The following PDE1A variants were observed in gnomAD, a reference collection of about 807,000 sequenced individuals.
The protein encoded by PDE1A is phosphodiesterase 1A.
PDE1A carries 35 observed loss-of-function variants against 61.7 expected under a neutral mutation model. The ratio of observed to expected loss-of-function variants is 0.57; its 90% CI spans 0.43 to 0.75. The LOEUF is 0.75. Among genes scored for constraint, PDE1A ranks in the 30% least tolerant of loss-of-function variants. PDE1A has a pLI of 0.00. For synonymous variants in PDE1A, 232 were observed against 213.2 expected (o/e 1.09, Z -0.77); for missense variants, 597 against 630.6 (o/e 0.95, Z 0.57).
the PDE1A span, among the ~76,000 whole-genome samples, chr2:182,555,244 C>T: frequency 6.6e-6 from 1 of 152,214 alleles, no homozygotes; most frequent in Non-Finnish European, 1.5e-5. Flanking sequence ...AAATTCACAA[C>T]AGCTTTCCAT....
chr2:182,315,218 C>A (rs1347938960), intron 1 of PDE1A, among the ~76,000 whole-genome samples: 11 of 152,114 alleles, frequency 7.2e-5, no homozygotes, highest in Non-Finnish European at 1.3e-4. Flanking sequence ...CATTTATATG[C>A]ATGTGGTCTC....
At chr2:182,273,472 A>AAT (rs201433336) in intron 1 of PDE1A, among the ~76,000 whole-genome samples, 127 of 149,786 alleles carry the variant, frequency 8.5e-4, no homozygotes, top group Middle Eastern at 3.5e-3. Context: ...TAACATAAAA[A>AAT]ATATATATAT....
intron 1 of PDE1A, among the ~76,000 whole-genome samples, chr2:182,377,313 A>G (rs557583877): frequency 7.9e-5 from 12 of 152,032 alleles, no homozygotes; most frequent in Non-Finnish European, 1.5e-4. Flanking sequence ...CTGACCCTTT[A>G]TCTTTCTCCT....
At chr2:182,609,806 G>A in the PDE1A span, among the ~76,000 whole-genome samples, 3 of 150,694 alleles carry the variant, frequency 2.0e-5, no homozygotes, top group African/African-American at 7.3e-5. Context: ...AAAAAGAAAC[G>A]GATGGGGCAC....
At chr2:182,569,477 A>G in the PDE1A span, among the ~76,000 whole-genome samples, 238 of 152,156 alleles carry the variant, frequency 1.6e-3, 2 homozygotes, top group African/African-American at 5.5e-3. Context: ...CTCAGGGTCT[A>G]AGACGCTCAT....
At chr2:182,661,797 A>G in the PDE1A span, among the ~76,000 whole-genome samples, 1 of 152,180 alleles carries the variant, frequency 6.6e-6, no homozygotes, top group South Asian at 2.1e-4. Context: ...TATCCTTTGT[A>G]ATAATAGCAA....
chr2:182,221,394 C>T (rs1164142769), intron 7 of PDE1A, among the ~76,000 whole-genome samples: 2 of 152,072 alleles, frequency 1.3e-5, no homozygotes, highest in African/African-American at 4.8e-5. Flanking sequence ...TCCTCCACAT[C>T]GTGGATCCAG....
At chr2:182,490,182 A>G (rs1688289660) in intron 2 of PDE1A, among the ~76,000 whole-genome samples, 1 of 152,214 alleles carries the variant, frequency 6.6e-6, no homozygotes, top group Non-Finnish European at 1.5e-5. Flanking sequence ...GAGGCCATCA[A>G]TGACTTTTAA....
At chr2:182,488,378 T>C (rs533930806) in intron 2 of PDE1A, among the ~76,000 whole-genome samples, 5 of 152,236 alleles carry the variant, frequency 3.3e-5, no homozygotes, top group African/African-American at 1.2e-4. Context: ...TGACTCAAGA[T>C]AAAAGCAAAT....
chr2:182,452,991 C>A (rs1215289428), intron 2 of PDE1A, among the ~76,000 whole-genome samples: 1 of 152,084 alleles, frequency 6.6e-6, no homozygotes, highest in East Asian at 1.9e-4. Context: ...ACAGTCCGCA[C>A]AAACAGATCC....
chr2:182,283,103 T>G (rs753906929), intron 1 of PDE1A, among the ~76,000 whole-genome samples: 4 of 152,044 alleles, frequency 2.6e-5, no homozygotes, highest in Non-Finnish European at 5.9e-5. Flanking sequence ...AAATATTTTC[T>G]TTTCAAATCT....
intron 2 of PDE1A, among the ~76,000 whole-genome samples, chr2:182,477,474 T>C (rs1687439211): frequency 6.6e-6 from 1 of 151,874 alleles, no homozygotes; most frequent in Non-Finnish European, 1.5e-5. Context: ...GAAAGTTCCT[T>C]GAGTCACGTA....
chr2:182,555,060 G>A, the PDE1A span, among the ~76,000 whole-genome samples: 1 of 152,152 alleles, frequency 6.6e-6, no homozygotes, highest in Non-Finnish European at 1.5e-5. Context: ...AAAGAGATGT[G>A]AACAAACGTA....
intron 13 of PDE1A, among the ~76,000 whole-genome samples, chr2:182,149,229 A>G (rs1344298016): frequency 2.6e-5 from 4 of 152,196 alleles, no homozygotes; most frequent in African/African-American, 7.2e-5. Flanking sequence ...AGAACTTTTT[A>G]TAATGGGTAA....
At chr2:182,477,487 G>A (rs1272366533) in intron 2 of PDE1A, among the ~76,000 whole-genome samples, 1 of 151,854 alleles carries the variant, frequency 6.6e-6, no homozygotes, top group Non-Finnish European at 1.5e-5. Flanking sequence ...GTCACGTAGT[G>A]AATGGTGAAA....
rs541071868 is a variant in PDE1A, at chr2:182,457,153, C to T, written c.101+65123G>A. Among the ~76,000 whole-genome samples the T allele has an allele frequency of 3.9e-5, 6 of 152,120 alleles. No homozygotes were observed. In the East Asian group the frequency reaches 1.2e-3, roughly 30 times the overall value. On this transcript the variant is annotated intron_variant, in intron 2 of 14. Transcript: ENST00000410103. ...GTGTGCTCCATCTCAAGAAACAATT[C>T]CACTTTCTTAGTAGAGGAGAAACTT... is the stretch of plus-strand genomic sequence containing the variant.
chr2:182,504,098 T>A (rs1281540726), intron 2 of PDE1A, among the ~76,000 whole-genome samples: 1 of 152,224 alleles, frequency 6.6e-6, no homozygotes, highest in Admixed American at 6.5e-5. Flanking sequence ...GTGGCTAAGA[T>A]TACCATAGTG....
chr2:182,169,976 AC>A (rs1692039244), intron 13 of PDE1A, among the ~76,000 whole-genome samples: 1 of 151,244 alleles, frequency 6.6e-6, no homozygotes, highest in African/African-American at 2.4e-5. Flanking sequence ...ACACACACAC[AC>A]ACACACACAC....
chr2:182,696,669 C>T, the PDE1A span, among the ~76,000 whole-genome samples: 1 of 152,084 alleles, frequency 6.6e-6, no homozygotes, highest in Non-Finnish European at 1.5e-5. Context: ...ACAAATCTAC[C>T]ACTCTGGGAG....
Sources: gnomAD v4.1 joint callset for allele counts (sites outside exome capture counted in the v4.1 genomes callset) on GRCh38, gnomAD v4.1.1 for gene constraint, MANE v1.5 for transcripts, NCBI Gene and HGNC (gene_info 2026-07-23, HGNC 2026-07-21) for gene names.